GREB1: variants seen among roughly 807,000 people sequenced by gnomAD.
The protein encoded by GREB1 is protein GREB1.
Under a neutral mutation model 200.7 loss-of-function variants are expected in GREB1, and 106 were observed. The ratio of observed to expected loss-of-function variants is 0.53; its 90% confidence interval spans 0.45 to 0.62. GREB1 has a LOEUF of 0.62. Ranked by LOEUF, GREB1 falls within the 20% of genes least tolerant of loss-of-function variation. GREB1 has a pLI of 0.00. For synonymous variants in GREB1, 1,132 were observed against 1,092.4 expected, an observed-to-expected ratio of 1.04 and a Z score of -0.72; for missense variants, 2,243 against 2,556.8, an observed-to-expected ratio of 0.88 and a Z score of 2.65.
At chr2:11,612,864 G>A (rs1683060215) in intron 19 of GREB1, among the ~76,000 whole-genome samples, 1 of 152,232 alleles carries the variant, frequency 6.6e-6, no homozygotes, top group African/African-American at 2.4e-5. Flanking sequence ...GGCTCTACGG[G>A]TGGAGGCTCT....
intron 1 of GREB1, among the ~76,000 whole-genome samples, chr2:11,545,056 C>G (rs1675138210): frequency 6.6e-6 from 1 of 151,940 alleles, no homozygotes; most frequent in African/African-American, 2.4e-5. Context: ...CACAGGTGAT[C>G]CACTCGCCTC....
At chr2:11,624,844 A>G (rs937140625) in intron 23 of GREB1, among the ~76,000 whole-genome samples, 7 of 152,062 alleles carry the variant, frequency 4.6e-5, no homozygotes, top group Non-Finnish European at 1.0e-4. Context: ...CTCAACAGCT[A>G]TCATTAGTGT....
At chr2:11,505,499 C>G (rs955087007) in intron 1 of GREB1, among the ~76,000 whole-genome samples, 2 of 152,050 alleles carry the variant, frequency 1.3e-5, no homozygotes, top group Non-Finnish European at 2.9e-5. Context: ...CCCACATCCT[C>G]AGGGATGTGA....
At position 11,627,038 on chromosome 2, in the gene GREB1, A is replaced by G. The variant is rs370116218; in HGVS notation, c.4383A>G (p.Ala1461=). The change falls in exon 25 of 33, where the codon GCA becomes GCG. Residue 1461 remains alanine (A), a synonymous_variant. Coordinates refer to ENST00000381486, the MANE Select transcript of GREB1 (RefSeq NM_014668.4). The stretch of plus-strand genomic sequence containing the variant: ...CACGGATGAGACTGTCCAAGTACGC[A>G]GCGTACAACACTTACCACCACTGTG... The part of the protein sequence containing the change: ...QTARMRLSKY[A]AYNTYHHCEQ... The G allele has an allele frequency of 1.4e-5, 23 of 1,614,066 alleles. No individual in the cohort carries two copies. In the African/African-American group the frequency reaches 2.5e-4, roughly 18 times the overall value.
intron 6 of GREB1, among the ~76,000 whole-genome samples, chr2:11,579,787 C>T (rs1679274863): frequency 6.6e-6 from 1 of 152,182 alleles, no homozygotes; most frequent in South Asian, 2.1e-4. Context: ...CCCCAGGAGA[C>T]CAGAAGCCAT....
At chr2:11,505,006 A>G (rs1673142753) in intron 1 of GREB1, among the ~76,000 whole-genome samples, 1 of 152,064 alleles carries the variant, frequency 6.6e-6, no homozygotes, top group Non-Finnish European at 1.5e-5. Context: ...ATCTCAGCTC[A>G]CTGCATCCTC....
At chr2:11,497,458 A>G (rs556086321) in intron 1 of GREB1, among the ~76,000 whole-genome samples, 2 of 152,342 alleles carry the variant, frequency 1.3e-5, no homozygotes, top group African/African-American at 4.8e-5. Flanking sequence ...TTGTGTAAAC[A>G]TATGTTGTAA....
At chr2:11,510,315 A>G (rs1673313899) in intron 1 of GREB1, among the ~76,000 whole-genome samples, 1 of 152,332 alleles carries the variant, frequency 6.6e-6, no homozygotes, top group African/African-American at 2.4e-5. Context: ...CTCCCTGTGT[A>G]ATGTTAGTAG....
At chr2:11,484,601 AAAAAAAAG>A (rs1558476925) in intron 1 of GREB1, among the ~76,000 whole-genome samples, 52 of 151,400 alleles carry the variant, frequency 3.4e-4, no homozygotes, top group African/African-American at 1.2e-3. Context: ...ACAAAAAAAA[AAAAAAAAG>A]AAAGAAAGAA....
At chr2:11,535,147 C>T (rs1424806583) in intron 1 of GREB1, among the ~76,000 whole-genome samples, 1 of 152,180 alleles carries the variant, frequency 6.6e-6, no homozygotes, top group Non-Finnish European at 1.5e-5. Context: ...CAGGATTTCA[C>T]AGAAGACCCC....
chr2:11,569,308 A>G (rs1478178359), intron 4 of GREB1, among the ~76,000 whole-genome samples: 1 of 152,146 alleles, frequency 6.6e-6, no homozygotes, highest in East Asian at 1.9e-4. Context: ...GAAAGCCTGG[A>G]CCTTCAGTTA....
In GREB1 at chr2:11,588,859, G is replaced by C. The variant is rs765583940; in HGVS notation, c.1273G>C (p.Gly425Arg). The change falls in exon 10 of 33, where the codon GGC becomes CGC. Residue 425 changes from glycine (G) to arginine (R), a missense_variant. Around this residue, in one of 3 missense-constraint regions of GREB1, gnomAD observed 1,178 missense variants for 1,387.4 expected, o/e 0.85. Coordinates refer to ENST00000381486, the MANE Select transcript of GREB1 (RefSeq NM_014668.4). ...QSVSRAYEQY[G>R]ASAIQPISEE... ...TGTCTCACGGGCATACGAGCAGTAC[G>C]GCGCCTCTGCCATCCAGCCCATCTC... 11 of 1,613,982 alleles carry C rather than the reference G, an allele frequency of 6.8e-6. No individual in the cohort carries two copies. The highest frequency in any genetic ancestry group is 1.3e-5 in the African/African-American group (1 of 74,928).
At chr2:11,499,270 G>A (rs889170452) in intron 1 of GREB1, among the ~76,000 whole-genome samples, 1 of 152,250 alleles carries the variant, frequency 6.6e-6, no homozygotes, top group Non-Finnish European at 1.5e-5. Context: ...AGGTCTTTGT[G>A]TGTGGGTGCA....
chr2:11,601,600 G>A (rs1310075290), intron 16 of GREB1, among the ~76,000 whole-genome samples: 3 of 152,182 alleles, frequency 2.0e-5, no homozygotes, highest in Admixed American at 2.0e-4. Flanking sequence ...CTTTTTTGGA[G>A]TGCCTCGCAA....
At chr2:11,521,024 A>G (rs1673686906) in intron 1 of GREB1, among the ~76,000 whole-genome samples, 1 of 152,182 alleles carries the variant, frequency 6.6e-6, no homozygotes, top group Non-Finnish European at 1.5e-5. Flanking sequence ...TGTGGGCTCC[A>G]TGGTCTATCA....
chr2:11,486,771 G>A (rs1475522438), intron 1 of GREB1, among the ~76,000 whole-genome samples: 1 of 151,988 alleles, frequency 6.6e-6, no homozygotes, highest in Admixed American at 6.6e-5. Flanking sequence ...GGGAGGCTGA[G>A]GCGGGAGAAT....
intron 25 of GREB1, among the ~76,000 whole-genome samples, chr2:11,627,615 C>A (rs1369664854): frequency 6.6e-6 from 1 of 152,212 alleles, no homozygotes; most frequent in Non-Finnish European, 1.5e-5. Flanking sequence ...GGCAATGTGC[C>A]TAGGCACTTT....
At position 11,618,398 on chromosome 2, in the gene GREB1, G is replaced by A; in HGVS notation, c.3523G>A (p.Glu1175Lys). Residue 1175 changes from glutamate to lysine, a missense_variant, in exon 22 of 33, where the codon GAG becomes AAG. Glu to Lys is a moderately conservative substitution (Grantham distance 56, BLOSUM62 1). Coordinates refer to ENST00000381486, the MANE Select transcript of GREB1 (RefSeq NM_014668.4). ...GPAEEGRAPG[E>K]KQRPRASQGP... is the part of the protein sequence containing the mutation. ...CGCAGAGGAGGGCAGAGCCCCTGGT[G>A]AGAAACAGAGGCCCCGGGCAAGTCA... 1 of 1,611,370 alleles carries A rather than the reference G, an allele frequency of 6.2e-7. No individual in the cohort carries two copies. The highest frequency in any genetic ancestry group is 8.5e-7 in the Non-Finnish European group (1 of 1,179,272).
chr2:11,607,585 C>CATATATA (rs748518401), intron 17 of GREB1, among the ~76,000 whole-genome samples: 1 of 102,582 alleles, frequency 9.7e-6, no homozygotes, highest in East Asian at 2.5e-4. Flanking sequence ...CACATATATA[C>CATATATA]ATATATACAT....
Sources: gnomAD v4.1 joint callset for allele counts (sites outside exome capture counted in the v4.1 genomes callset) on GRCh38, gnomAD v4.1.1 for gene constraint, gnomAD v4.1.1 regional missense constraint, MANE v1.5 for transcripts, NCBI Gene and HGNC (gene_info 2026-07-23, HGNC 2026-07-21) for gene names.